The following LSMEM1 variants were observed in gnomAD, a reference collection of about 807,000 sequenced individuals.
The protein encoded by LSMEM1 is leucine-rich single-pass membrane protein 1.
A neutral mutation model predicts 11.3 loss-of-function variants in LSMEM1; 10 were observed. The ratio of observed to expected loss-of-function variants is 0.89; its 90% CI spans 0.55 to 1.50. The LOEUF is 1.50. LSMEM1 is among the 40% of genes most tolerant of loss of function. The probability of loss-of-function intolerance (pLI) is 0.00; values close to 1 mark genes in which losing one functional copy is unlikely to be tolerated. For synonymous variants in LSMEM1, 65 were observed against 59.3 expected, an observed-to-expected ratio of 1.10 and a Z score of -0.44; for missense variants, 151 against 152.9, an observed-to-expected ratio of 0.99 and a Z score of 0.06.
chr7:112,483,930 C>A (rs1169764804), intron 1 of LSMEM1, among the ~76,000 whole-genome samples: 1 of 152,208 alleles, frequency 6.6e-6, no homozygotes, highest in Non-Finnish European at 1.5e-5. Context: ...CTAGAGGCTT[C>A]TTTTCACATA....
At chr7:112,487,973 G>T (rs1330673439) in intron 3 of LSMEM1, among the ~76,000 whole-genome samples, 1 of 152,176 alleles carries the variant, frequency 6.6e-6, no homozygotes, top group East Asian at 1.9e-4. Context: ...TTTCATTCAG[G>T]ATTAGAGGAG....
intron 2 of LSMEM1, among the ~76,000 whole-genome samples, 184 bp downstream of exon 2, chr7:112,485,127 T>C (rs17159708): frequency 0.022 from 3,379 of 152,244 alleles, 106 homozygotes; most frequent in African/African-American, 0.075. Flanking sequence ...GACAGGATTA[T>C]GGGCTTTCTT....
chr7:112,490,010 A>C lies in LSMEM1; in HGVS notation c.*61A>C. 1 of 1,561,262 alleles carries C rather than the reference A, an allele frequency of 6.4e-7. No individual in the cohort carries two copies. The highest frequency in any genetic ancestry group is 8.7e-7 in the Non-Finnish European group (1 of 1,154,604). ...GAGCTTTTTACTTTCCTGGGAGTGT[A>C]CAGGGTTAGGAACTGAGAAAGTGCA... On this transcript the variant is annotated 3_prime_UTR_variant, in exon 4 of 4. Coordinates refer to ENST00000312849, the MANE Select transcript of LSMEM1 (RefSeq NM_182597.3).
chr7:112,489,505 G>T (rs1383175168), intron 3 of LSMEM1, among the ~76,000 whole-genome samples: 1 of 152,220 alleles, frequency 6.6e-6, no homozygotes, highest in Non-Finnish European at 1.5e-5. Context: ...CTTCTGGGAG[G>T]ATAATCAAAC....
chr7:112,482,071 A>G (rs553407751), intron 1 of LSMEM1, among the ~76,000 whole-genome samples: 2 of 152,350 alleles, frequency 1.3e-5, no homozygotes, highest in East Asian at 1.9e-4. Flanking sequence ...TAGCAGCCTC[A>G]TGAGTCATTT....
At chr7:112,484,757 G>GA (rs1796095132) in intron 1 of LSMEM1, 55 bp from the exon 2 acceptor site, 1 of 1,580,742 alleles carries the variant, frequency 6.3e-7, no homozygotes, top group South Asian at 1.2e-5. Flanking sequence ...TGGTTCTTGT[G>GA]AAGTTGAGTT....
chr7:112,491,025 C>A lies in LSMEM1; in HGVS notation c.*1076C>A, dbSNP rs1796225074. On this transcript the variant is annotated 3_prime_UTR_variant, in exon 4 of 4. Coordinates refer to ENST00000312849, the MANE Select transcript of LSMEM1 (RefSeq NM_182597.3). ...GATATTAAGCATTCACTTTACAATA[C>A]TAAATAGTTAATGAAATAAACACAT... 2 of 152,146 alleles carry A rather than the reference C, an allele frequency of 1.3e-5. No homozygotes were observed. The highest frequency in any genetic ancestry group is 4.8e-5 in the African/African-American group (2 of 41,424). 9.4% of individuals were successfully genotyped at this position (152,146 alleles called of 1,614,324 possible). A position where few individuals can be genotyped will look rare whatever the true frequency, so the allele number is the denominator to read the frequency against.
intron 2 of LSMEM1, among the ~76,000 whole-genome samples, chr7:112,485,375 T>C (rs951661894): frequency 1.4e-4 from 21 of 151,984 alleles, no homozygotes; most frequent in Admixed American, 1.4e-3. Flanking sequence ...TTACAAATTG[T>C]GCAATTAAGG....
intron 1 of LSMEM1, among the ~76,000 whole-genome samples, chr7:112,482,184 AT>A (rs138399429): frequency 0.42 from 63,844 of 152,006 alleles, 13,798 homozygotes; most frequent in African/African-American, 0.45. Flanking sequence ...CATTAAAAAA[AT>A]ATTGGAATAG....
chr7:112,484,501 C>T (rs1467126601), intron 1 of LSMEM1, among the ~76,000 whole-genome samples: 1 of 152,132 alleles, frequency 6.6e-6, no homozygotes, highest in African/African-American at 2.4e-5. Context: ...ATAGGCAGAA[C>T]TGAGACATCT....
chr7:112,481,103 A>T lies in LSMEM1; in HGVS notation c.-249A>T, dbSNP rs1032960587. ...ATATTTACTAAAAACCTTAGACATT[A>T]TGAAAAAAGTCAGGATTTGGAATCT... On this transcript the variant is annotated 5_prime_UTR_variant, in exon 1 of 4. It removes an upstream start codon present in the reference 5' UTR. Transcript: ENST00000312849. 17 of 327,972 alleles carry T rather than the reference A, an allele frequency of 5.2e-5. No individual in the cohort carries two copies. The highest frequency in any genetic ancestry group is 8.3e-5 in the Non-Finnish European group (14 of 167,814). The allele number at this position is 327,972 out of a possible 1,614,324, so 20.3% of individuals were successfully genotyped here.
chr7:112,482,067 C>A (rs1374419917), intron 1 of LSMEM1, among the ~76,000 whole-genome samples: 1 of 152,224 alleles, frequency 6.6e-6, no homozygotes, highest in Non-Finnish European at 1.5e-5. Flanking sequence ...TTACTAGCAG[C>A]CTCATGAGTC....
At chr7:112,488,324 C>A (rs1416844587) in intron 3 of LSMEM1, among the ~76,000 whole-genome samples, 2 of 152,118 alleles carry the variant, frequency 1.3e-5, no homozygotes, top group African/African-American at 4.8e-5. Flanking sequence ...ACCGTTACTC[C>A]AACATAAATT....
Position 112,484,926 on chromosome 7 carries a change from G to A in LSMEM1, c.110G>A (p.Gly37Glu). The change falls in exon 2 of 4, where the codon GGA (glycine) becomes GAA (glutamate). Residue 37 changes from glycine (G) to glutamate (E), a missense_variant. Coordinates refer to ENST00000312849, the MANE Select transcript of LSMEM1 (RefSeq NM_182597.3). ...AACAAACTAAACCTCTGTCCAGCCG[G>A]ATCGCAGCATCTGTTCCGTATGTGT... ...DLNKLNLCPA[G>E]SQHLFPLEDK... 2 of 1,610,256 alleles carry A rather than the reference G, an allele frequency of 1.2e-6. No individual in the cohort carries two copies. The highest frequency in any genetic ancestry group is 1.3e-5 in the African/African-American group (1 of 74,874).
chr7:112,485,492 C>T (rs577067978), intron 2 of LSMEM1, among the ~76,000 whole-genome samples: 1 of 152,266 alleles, frequency 6.6e-6, no homozygotes, highest in Admixed American at 6.5e-5. Flanking sequence ...CTCTGAGTGC[C>T]ATCTTTTCTA....
At chr7:112,480,822 C>T (rs375827026), upstream of LSMEM1, 18 of 456,166 alleles carry the variant, frequency 3.9e-5, no homozygotes, top group South Asian at 1.9e-4. Context: ...ATATTCTGTC[C>T]GTGTTTATTG....
intron 2 of LSMEM1, among the ~76,000 whole-genome samples, chr7:112,486,592 T>C (rs1269172303): frequency 6.6e-6 from 1 of 152,170 alleles, no homozygotes; most frequent in Non-Finnish European, 1.5e-5. Context: ...CTGGATATCA[T>C]GGTGAAACCC....
chr7:112,489,781 T>G (rs1401239089), intron 3 of LSMEM1, 29 bp from the exon 4 acceptor site: 1 of 1,600,726 alleles, frequency 6.2e-7, no homozygotes, highest in Non-Finnish European at 8.5e-7. Flanking sequence ...TGGAAACCAA[T>G]GTAACACAGT....
Position 112,482,353 on chromosome 7 carries a change from A to G in LSMEM1, c.-6+1007A>G, listed in dbSNP as rs995251230. On this transcript the variant is annotated intron_variant, in intron 1 of 3. Transcript: ENST00000312849. Reference sequence around the variant, plus strand: ...TTTTATTAGCTGTACTCTTAAAGTCAGTTTTTGTGGCCATGATTTTCTAGC... The same window carrying G: ...TTTTATTAGCTGTACTCTTAAAGTCGGTTTTTGTGGCCATGATTTTCTAGC... 2.6e-5 allele frequency among the ~76,000 whole-genome samples: 4 copies of G among 152,188 alleles called. No homozygotes were observed. The East Asian group carries it at 7.7e-4, about 29-fold the overall frequency.
Sources: allele counts gnomAD v4.1 joint callset (sites outside exome capture counted in the v4.1 genomes callset), GRCh38; gene constraint gnomAD v4.1.1; transcripts MANE v1.5; gene names NCBI Gene and HGNC (gene_info 2026-07-23, HGNC 2026-07-21).